The following METAP1 variants were observed in gnomAD, a reference collection of about 807,000 sequenced individuals.
METAP1 encodes methionine aminopeptidase 1.
A neutral mutation model predicts 53.8 loss-of-function variants in METAP1; 28 were observed. The observed-to-expected ratio is 0.52, with a 90% CI of 0.39 to 0.71. METAP1 has a LOEUF of 0.71. METAP1 is among the 30% of genes least tolerant of loss of function. METAP1 has a pLI of 0.00. For missense variants in METAP1, 389 were observed against 479.8 expected (o/e 0.81, Z 1.77); for synonymous variants, 181 against 165.7 (o/e 1.09, Z -0.71).
At chr4:99,039,721 G>A (rs1399647645) in intron 5 of METAP1, among the ~76,000 whole-genome samples, 1 of 152,040 alleles carries the variant, frequency 6.6e-6, no homozygotes, top group East Asian at 1.9e-4. Flanking sequence ...AGCCTCCTGA[G>A]TAGCTGGGAT....
At chr4:99,003,482 A>G (rs955897485) in intron 1 of METAP1, among the ~76,000 whole-genome samples, 4 of 152,144 alleles carry the variant, frequency 2.6e-5, no homozygotes, top group African/African-American at 9.7e-5. Flanking sequence ...TGATTATTTC[A>G]CTAACTGGTA....
intron 6 of METAP1, 145 bp downstream of exon 6, chr4:99,041,271 A>G (rs1367065165): frequency 2.1e-6 from 1 of 470,756 alleles, no homozygotes; most frequent in Non-Finnish European, 3.8e-6. Flanking sequence ...TGTTTCAAAT[A>G]TGGAAAACAT....
At chr4:99,057,208 C>G (rs117938799) in intron 9 of METAP1, among the ~76,000 whole-genome samples, 2 of 152,280 alleles carry the variant, frequency 1.3e-5, no homozygotes, top group South Asian at 4.1e-4. Context: ...AGATTTTGTT[C>G]TTCTTTGAAG....
rs1223337674 is a variant in METAP1 at position 99,026,679 on chromosome 4, T to A, written c.115-2188T>A. ...GATAGTCTTTCAGGATTTTGAGTAT[T>A]CCTCTTCTACTGGGGAATAAGAGGA... On this transcript the variant is annotated intron_variant, in intron 1 of 10. Coordinates refer to ENST00000296411, the MANE Select transcript of METAP1 (RefSeq NM_015143.3). 7 of 985,402 alleles carry A rather than the reference T, an allele frequency of 7.1e-6. No individual in the cohort carries two copies. In the African/African-American group the frequency reaches 1.2e-4, roughly 17 times the overall value. The allele number at this position is 985,402 out of a possible 1,614,324, so 61.0% of individuals were successfully genotyped here. A position where few individuals can be genotyped will look rare whatever the true frequency, so the allele number is the denominator to read the frequency against.
chr4:99,037,989 G>A (rs1425296352), intron 4 of METAP1: 1 of 151,808 alleles, frequency 6.6e-6, no homozygotes, highest in Admixed American at 6.6e-5. Context: ...TTTCAGTGGT[G>A]TTTTCAGATT....
intron 2 of METAP1, chr4:99,031,390 A>G (rs1413430050): frequency 8.3e-7 from 1 of 1,200,782 alleles, no homozygotes; most frequent in African/African-American, 1.6e-5. Context: ...TTTGACAAGT[A>G]TCTTGAATAG....
At chr4:99,022,952 G>A in intron 1 of METAP1, 2 of 1,487,982 alleles carry the variant, frequency 1.3e-6, no homozygotes, top group African/African-American at 1.4e-5. Flanking sequence ...TTGCGGACAT[G>A]TAGGGGCTGG....
At chr4:98,999,720 C>G (rs1722833473) in intron 1 of METAP1, among the ~76,000 whole-genome samples, 1 of 151,352 alleles carries the variant, frequency 6.6e-6, no homozygotes, top group African/African-American at 2.4e-5. Context: ...ACCGTGTTAG[C>G]TAGGATGGTC....
At chr4:99,031,566 A>G in intron 2 of METAP1, 2 of 1,288,538 alleles carry the variant, frequency 1.6e-6, no homozygotes, top group Non-Finnish European at 1.0e-6. Context: ...ACCATGGGTT[A>G]TTCTAAGTCT....
chr4:99,061,067 A>C, intron 10 of METAP1, 87 bp from the exon 11 acceptor site: 2 of 1,362,944 alleles, frequency 1.5e-6, no homozygotes, highest in Non-Finnish European at 2.0e-6. Flanking sequence ...TAAGGATCTT[A>C]GTAGTGAATT....
At chr4:99,011,045 T>TA (rs1248316878) in intron 1 of METAP1, among the ~76,000 whole-genome samples, 3 of 151,550 alleles carry the variant, frequency 2.0e-5, no homozygotes, top group Non-Finnish European at 2.9e-5. Flanking sequence ...CTCTAACAGT[T>TA]TTTTTTTTAA....
intron 2 of METAP1, chr4:99,031,748 C>A: frequency 1.9e-6 from 1 of 515,548 alleles, no homozygotes; most frequent in South Asian, 1.6e-5. Context: ...AAAGCTTAGA[C>A]ATCTGTAGTT....
At chr4:98,997,622 A>G (rs1043695816) in intron 1 of METAP1, among the ~76,000 whole-genome samples, 1 of 152,244 alleles carries the variant, frequency 6.6e-6, no homozygotes, top group African/African-American at 2.4e-5. Flanking sequence ...GATTTTAAAA[A>G]GGTAGTGTGA....
intron 2 of METAP1, among the ~76,000 whole-genome samples, chr4:99,029,417 A>G (rs972729359): frequency 6.6e-6 from 1 of 152,208 alleles, no homozygotes; most frequent in African/African-American, 2.4e-5. Flanking sequence ...GTGACACTAC[A>G]AAGTAAAACT....
At chr4:99,059,189 T>C (rs1320455944) in intron 10 of METAP1, among the ~76,000 whole-genome samples, 1 of 152,196 alleles carries the variant, frequency 6.6e-6, no homozygotes, top group African/African-American at 2.4e-5. Flanking sequence ...ATACTTGAAG[T>C]GTAACTCAGC....
intron 9 of METAP1, among the ~76,000 whole-genome samples, chr4:99,053,591 T>C (rs1481991773): frequency 6.6e-6 from 1 of 152,224 alleles, no homozygotes; most frequent in Non-Finnish European, 1.5e-5. Flanking sequence ...GTGAATTCTT[T>C]CAAGAAGGTT....
At chr4:99,000,677 T>C (rs1035894268) in intron 1 of METAP1, among the ~76,000 whole-genome samples, 1 of 141,870 alleles carries the variant, frequency 7.0e-6, no homozygotes, top group African/African-American at 2.7e-5. Flanking sequence ...TTTTTTTAAA[T>C]AACAAGACAG....
At chr4:99,050,871 C>T (rs1726643538) in intron 9 of METAP1, among the ~76,000 whole-genome samples, 1 of 152,134 alleles carries the variant, frequency 6.6e-6, no homozygotes, top group South Asian at 2.1e-4. Context: ...CAAAACCGGT[C>T]CCTAGTGCAA....
intron 1 of METAP1, among the ~76,000 whole-genome samples, chr4:98,996,458 G>T (rs887773502): frequency 6.6e-6 from 1 of 152,360 alleles, no homozygotes; most frequent in East Asian, 1.9e-4. Flanking sequence ...CTTTACTACC[G>T]TGCTTTGACA....
Sources: allele counts gnomAD v4.1 joint callset (sites outside exome capture counted in the v4.1 genomes callset), GRCh38; gene constraint gnomAD v4.1.1; transcripts MANE v1.5; gene names NCBI Gene and HGNC (gene_info 2026-07-23, HGNC 2026-07-21).